Variants in NEURL1 observed in about 807,000 individuals in gnomAD.
The protein encoded by NEURL1 is neuralized E3 ubiquitin protein ligase 1.
A neutral mutation model predicts 41.2 loss-of-function variants in NEURL1; 26 were observed. The ratio of observed to expected loss-of-function variants is 0.63; its 90% CI spans 0.46 to 0.87. The LOEUF is 0.87. Among genes scored for constraint, NEURL1 ranks in the 40% least tolerant of loss-of-function variants. The pLI is 0.00. For missense variants in NEURL1, 761 were observed against 871.1 expected, an observed-to-expected ratio of 0.87 and a Z score of 1.59; for synonymous variants, 400 against 402.3, an observed-to-expected ratio of 0.99 and a Z score of 0.07.
intron 1 of NEURL1, among the ~76,000 whole-genome samples, chr10:103,560,075 AC>A (rs2035259682): frequency 6.6e-6 from 1 of 152,160 alleles, no homozygotes; most frequent in Non-Finnish European, 1.5e-5. Flanking sequence ...ATGCACACAC[AC>A]ATACACACTC....
intron 1 of NEURL1, among the ~76,000 whole-genome samples, chr10:103,562,892 C>T (rs1182506244): frequency 6.6e-6 from 1 of 152,196 alleles, no homozygotes; most frequent in Non-Finnish European, 1.5e-5. Flanking sequence ...GGTGGAGGCC[C>T]CTTTAGGGAA....
At chr10:103,589,729 C>G in intron 5 of NEURL1, 69 bp downstream of exon 5, 1 of 1,542,900 alleles carries the variant, frequency 6.5e-7, no homozygotes. Flanking sequence ...GCCTTTGTGT[C>G]CGGGGCTGGG....
rs1168519694 is a variant in NEURL1, at chr10:103,592,489, G to C, written c.*2117G>C. The C allele has an allele frequency of 6.5e-6, 1 of 152,762 alleles. No individual in the cohort carries two copies. The highest frequency in any genetic ancestry group is 1.5e-5 in the Non-Finnish European group (1 of 68,118). 9.5% of individuals were successfully genotyped at this position (152,762 alleles called of 1,614,324 possible). On this transcript the variant is annotated 3_prime_UTR_variant, in exon 6 of 6. Coordinates refer to ENST00000369780, the MANE Select transcript of NEURL1 (RefSeq NM_004210.5). This position sits in a 1 kb window ranked among gnomAD's most constrained non-coding sequence, Gnocchi z 4.8. ...TACCTCTGTCAGTGCAGGGGTGGCT[G>C]CTGCTTCCCTTGTGCACTTGGGTCG...
At chr10:103,507,563 A>G (rs1476292773) in intron 1 of NEURL1, among the ~76,000 whole-genome samples, 2 of 152,260 alleles carry the variant, frequency 1.3e-5, no homozygotes, top group South Asian at 4.2e-4. Context: ...GAATCCTGAC[A>G]TCTGTGGCAG....
chr10:103,571,285 T>G (rs926602998), intron 2 of NEURL1, among the ~76,000 whole-genome samples, 172 bp downstream of exon 2: 2 of 152,062 alleles, frequency 1.3e-5, no homozygotes, highest in Non-Finnish European at 2.9e-5. Context: ...TATGCCTTTC[T>G]CAACCTCCCT....
intron 1 of NEURL1, among the ~76,000 whole-genome samples, chr10:103,553,619 G>A (rs551393548): frequency 7.2e-5 from 11 of 152,260 alleles, no homozygotes; most frequent in African/African-American, 1.9e-4. Flanking sequence ...CCTCCTAACC[G>A]CTTCCCCAGA....
At chr10:103,516,869 TCCTC>T (rs1178443348) in intron 1 of NEURL1, among the ~76,000 whole-genome samples, 31 of 151,998 alleles carry the variant, frequency 2.0e-4, no homozygotes, top group African/African-American at 5.3e-4. Context: ...CTTTCTTCCT[TCCTC>T]CCTCCCTCCC....
At chr10:103,582,532 T>C (rs1445283930) in intron 3 of NEURL1, among the ~76,000 whole-genome samples, 3 of 152,082 alleles carry the variant, frequency 2.0e-5, no homozygotes, top group East Asian at 3.9e-4. Flanking sequence ...TTCAGGAGGC[T>C]TGGGGGGAAG....
rs749046760 is a variant in NEURL1, at chr10:103,494,414, C to A, written c.27C>A (p.Pro9=). The part of the protein sequence containing the change: MGNNFSSI[P]SLPRGNPSRA... Reference sequence around the variant, plus strand: ...TGGGTAACAACTTCTCCAGTATCCCCTCGCTGCCCCGAGGAAACCCGAGCC... The same window carrying A: ...TGGGTAACAACTTCTCCAGTATCCCATCGCTGCCCCGAGGAAACCCGAGCC... The change falls in exon 1 of 6, where the codon CCC becomes CCA. Residue 9 remains proline, a synonymous_variant. Transcript: ENST00000369780. The A allele has an allele frequency of 1.3e-6, 2 of 1,598,514 alleles. No individual in the cohort carries two copies. The highest frequency in any genetic ancestry group is 8.5e-7 in the Non-Finnish European group (1 of 1,173,090).
At chr10:103,498,354 G>T (rs981787658) in intron 1 of NEURL1, among the ~76,000 whole-genome samples, 2 of 152,164 alleles carry the variant, frequency 1.3e-5, no homozygotes, top group African/African-American at 4.8e-5. Flanking sequence ...AGCCTCCCGA[G>T]TAGCTGGGAC....
chr10:103,518,447 C>T (rs1217241082), intron 1 of NEURL1, among the ~76,000 whole-genome samples: 1 of 152,094 alleles, frequency 6.6e-6, no homozygotes, highest in African/African-American at 2.4e-5. Flanking sequence ...TACTAGGATA[C>T]AGCAGGGAAC....
At chr10:103,555,920 A>G (rs2035143720) in intron 1 of NEURL1, among the ~76,000 whole-genome samples, 1 of 152,032 alleles carries the variant, frequency 6.6e-6, no homozygotes, top group Non-Finnish European at 1.5e-5. Context: ...GTGGGCACCC[A>G]CATGTGTGCT....
chr10:103,547,658 G>A (rs12762447), intron 1 of NEURL1, among the ~76,000 whole-genome samples: 3,700 of 152,334 alleles, frequency 0.024, 127 homozygotes, highest in African/African-American at 0.083. Context: ...GGCACCAGGA[G>A]CGTAGGCTGA....
At chr10:103,494,982 C>G (rs1445790275) in intron 1 of NEURL1, among the ~76,000 whole-genome samples, 1 of 152,162 alleles carries the variant, frequency 6.6e-6, no homozygotes, top group Non-Finnish European at 1.5e-5. Context: ...TCCTTTGCAG[C>G]CGTTGGGTTT....
intron 1 of NEURL1, among the ~76,000 whole-genome samples, chr10:103,522,276 G>T (rs1014809472): frequency 7.9e-5 from 12 of 152,034 alleles, no homozygotes; most frequent in African/African-American, 2.4e-4. Flanking sequence ...TCAGCATTTT[G>T]ATGCGTTTTT....
intron 1 of NEURL1, among the ~76,000 whole-genome samples, chr10:103,499,254 A>G (rs1200431856): frequency 6.6e-6 from 1 of 152,182 alleles, no homozygotes; most frequent in Non-Finnish European, 1.5e-5. Flanking sequence ...GCAAAGGTTG[A>G]CTAAGGGTCT....
intron 1 of NEURL1, chr10:103,550,831 A>C (rs1367519244): frequency 6.6e-6 from 1 of 152,144 alleles, no homozygotes; most frequent in Admixed American, 6.6e-5. Flanking sequence ...TAACCTCTCT[A>C]AGCCTCAGTT....
chr10:103,494,342 G>C lies in NEURL1; in HGVS notation c.-46G>C, dbSNP rs528975115. 2.6e-6 allele frequency: 4 copies of C among 1,509,560 alleles called. No individual in the cohort carries two copies. In the African/African-American group the frequency reaches 4.2e-5, roughly 16 times the overall value. 93.5% of individuals were successfully genotyped at this position (1,509,560 alleles called of 1,614,324 possible). On this transcript the variant is annotated 5_prime_UTR_variant, in exon 1 of 6. Coordinates refer to ENST00000369780, the MANE Select transcript of NEURL1 (RefSeq NM_004210.5). ...CACACCGCACCTCAGCGCCTGCCCG[G>C]CCTCGCCCCCACCCGCGAGCGCCGA...
In NEURL1 at chr10:103,509,499, A is replaced by G. The variant is rs2034023431; in HGVS notation, c.85+15027A>G. On this transcript the variant is annotated intron_variant, in intron 1 of 5. Coordinates refer to ENST00000369780, the MANE Select transcript of NEURL1 (RefSeq NM_004210.5). ...CACAAGGGTAAGTATTTATGCACCT[A>G]ACCATAGAAAAGGTAACATAATGCA... Among the ~76,000 whole-genome samples the G allele has an allele frequency of 2.6e-5, 4 of 152,200 alleles. No individual in the cohort carries two copies. In the South Asian group the frequency reaches 8.3e-4, roughly 31 times the overall value.
Sources: gnomAD v4.1 joint callset for allele counts (sites outside exome capture counted in the v4.1 genomes callset) on GRCh38, gnomAD v4.1.1 for gene constraint, Gnocchi (gnomAD v3.1) non-coding constraint, MANE v1.5 for transcripts, NCBI Gene and HGNC (gene_info 2026-07-23, HGNC 2026-07-21) for gene names.